USP10: variants seen among roughly 807,000 people sequenced by gnomAD.
USP10 encodes ubiquitin specific peptidase 10, also known as ubiquitin carboxyl-terminal hydrolase 10.
A neutral mutation model predicts 84.5 loss-of-function variants in USP10; 22 were observed. The observed-to-expected ratio is 0.26, with a 90% CI of 0.19 to 0.37. The LOEUF (loss-of-function observed/expected upper bound fraction) is 0.37, where lower values mean the gene tolerates loss of function less well. Ranked by LOEUF, USP10 falls within the 10% of genes least tolerant of loss-of-function variation. The pLI is 1.00. For missense variants in USP10, 1,019 were observed against 998.9 expected, an observed-to-expected ratio of 1.02 and a Z score of -0.27; for synonymous variants, 454 against 387.6, an observed-to-expected ratio of 1.17 and a Z score of -2.01.
rs556583918 is a variant in USP10, at chr16:84,700,039, G to A, written c.-52G>A. 2.6e-5 allele frequency: 35 copies of A among 1,348,176 alleles called. No homozygotes were observed. Among genetic ancestry groups the A allele is most frequent in the Non-Finnish European group, 3.3e-5 (34 of 1,027,278 alleles). The allele number at this position is 1,348,176 out of a possible 1,614,324, so 83.5% of individuals were successfully genotyped here. A position where few individuals can be genotyped will look rare whatever the true frequency, so the allele number is the denominator to read the frequency against. ...GGGCGAGAAGATGGCGGCGGCGGGGGAAGCAGCGTGAGCAGCCGGAGGATC... is the reference window on the plus strand; with the variant it reads ...GGGCGAGAAGATGGCGGCGGCGGGGAAAGCAGCGTGAGCAGCCGGAGGATC... On this transcript the variant is annotated 5_prime_UTR_variant, in exon 1 of 14. Coordinates refer to ENST00000219473, the MANE Select transcript of USP10 (RefSeq NM_005153.3).
chr16:84,738,869 C>T (rs1165379923), intron 2 of USP10, among the ~76,000 whole-genome samples: 3 of 152,188 alleles, frequency 2.0e-5, no homozygotes, highest in South Asian at 4.1e-4. Context: ...CAGCAGCTCT[C>T]ATACAGTATT....
chr16:84,720,576 ATTT>A (rs10699847), intron 1 of USP10, among the ~76,000 whole-genome samples: 11 of 88,352 alleles, frequency 1.2e-4, no homozygotes, highest in East Asian at 4.9e-4. Flanking sequence ...ATGATGCCCA[ATTT>A]TTTTTTTTTT....
intron 1 of USP10, among the ~76,000 whole-genome samples, chr16:84,731,646 C>G (rs776385406): frequency 1.3e-5 from 2 of 152,172 alleles, no homozygotes; most frequent in Non-Finnish European, 2.9e-5. Flanking sequence ...TCGAAACTTT[C>G]AAAATGTTGC....
chr16:84,749,895 C>G (rs1911702177), intron 4 of USP10, among the ~76,000 whole-genome samples: 1 of 152,102 alleles, frequency 6.6e-6, no homozygotes, highest in Non-Finnish European at 1.5e-5. Context: ...ACATTTTGTT[C>G]CATTGGCTGT....
In USP10 at chr16:84,778,876, C is replaced by A; in HGVS notation, c.2210-19C>A. The A allele has an allele frequency of 6.2e-7, 1 of 1,608,152 alleles. No homozygotes were observed. Among genetic ancestry groups the A allele is most frequent in the Non-Finnish European group, 8.5e-7 (1 of 1,176,576 alleles). ...TGCAGTGCTGTTCTCACTCTGCTGCCTGCTGGGCTCTCTTCCAGTGGTCTA... is the reference window on the plus strand; with the variant it reads ...TGCAGTGCTGTTCTCACTCTGCTGCATGCTGGGCTCTCTTCCAGTGGTCTA... On this transcript the variant is annotated intron_variant, in intron 13 of 13. Transcript: ENST00000219473.
intron 1 of USP10, among the ~76,000 whole-genome samples, chr16:84,708,574 A>G (rs1242926246): frequency 1.3e-5 from 2 of 152,256 alleles, no homozygotes; most frequent in Non-Finnish European, 2.9e-5. Flanking sequence ...GCCCTAGGGA[A>G]TAATGAGAAA....
chr16:84,702,300 A>T (rs1028795826), intron 1 of USP10, among the ~76,000 whole-genome samples: 2 of 151,646 alleles, frequency 1.3e-5, no homozygotes, highest in Admixed American at 1.3e-4. Flanking sequence ...CAGGTGATCC[A>T]CCCGCCTCGG....
chr16:84,700,647 A>G (rs1039527859), intron 1 of USP10, among the ~76,000 whole-genome samples: 2 of 152,142 alleles, frequency 1.3e-5, no homozygotes, highest in East Asian at 1.9e-4. Flanking sequence ...TTTTAGATAG[A>G]AGTAGCAGAG....
At chr16:84,714,584 G>C (rs1567592873) in intron 1 of USP10, among the ~76,000 whole-genome samples, 2 of 151,502 alleles carry the variant, frequency 1.3e-5, no homozygotes, top group African/African-American at 4.8e-5. Context: ...CTTCAGCATT[G>C]TTTTTTAAGG....
In USP10 at chr16:84,744,665, G is replaced by A. The variant is rs775663135; in HGVS notation, c.184G>A (p.Asp62Asn). 19 of 1,612,286 alleles carry A rather than the reference G, an allele frequency of 1.2e-5. No homozygotes were observed. Among genetic ancestry groups the A allele is most frequent in the South Asian group, 6.6e-5 (6 of 91,024 alleles). ...QEYQRIEFGV[D>N]EVIEPSDTLP... ...ATATCAGAGAATTGAGTTTGGTGTC[G>A]ATGAAGTCATTGAACCCAGTGACAC... is the stretch of plus-strand genomic sequence containing the variant. The change falls in exon 4 of 14, where the codon GAT becomes AAT. Residue 62 changes from aspartate to asparagine, a missense_variant. Physicochemically the swap from Asp to Asn is conservative, Grantham distance 23. Around this residue, in one of 2 missense-constraint regions of USP10, gnomAD observed 787 missense variants for 708.8 expected, o/e 1.11. Transcript: ENST00000219473.
chr16:84,770,818 A>G (rs536506356), intron 11 of USP10, among the ~76,000 whole-genome samples: 1 of 151,588 alleles, frequency 6.6e-6, no homozygotes, highest in Non-Finnish European at 1.5e-5. Context: ...CTGTAATCCC[A>G]GCATTTTCGG....
At position 84,768,243 on chromosome 16, in the gene USP10, T is replaced by G; in HGVS notation, c.1883T>G (p.Phe628Cys). Reference protein sequence around the residue: ...SSKESATLQPFFTLQLDIQSD... With the variant: ...SSKESATLQPCFTLQLDIQSD... ...AAAGAATCTGCCACTTTGCAGCCATTTTTCACGTTGCAGTTGGATATCCAG... is the reference window on the plus strand; with the variant it reads ...AAAGAATCTGCCACTTTGCAGCCATGTTTCACGTTGCAGTTGGATATCCAG... Residue 628 changes from phenylalanine (F) to cysteine (C), a missense_variant, in exon 11 of 14, where the codon TTT becomes TGT. Coordinates refer to ENST00000219473, the MANE Select transcript of USP10 (RefSeq NM_005153.3). 1 of 1,603,754 alleles carries G rather than the reference T, an allele frequency of 6.2e-7. No individual in the cohort carries two copies. The highest frequency in any genetic ancestry group is 8.5e-7 in the Non-Finnish European group (1 of 1,174,492).
At chr16:84,745,720 T>G in intron 4 of USP10, 47 bp downstream of exon 4, 1 of 1,540,566 alleles carries the variant, frequency 6.5e-7, no homozygotes, top group Non-Finnish European at 8.8e-7. Flanking sequence ...GGAGCAGACC[T>G]CATCAACTGG....
chr16:84,747,056 C>G (rs991768272), intron 4 of USP10, among the ~76,000 whole-genome samples: 5 of 152,228 alleles, frequency 3.3e-5, no homozygotes, highest in African/African-American at 1.2e-4. Flanking sequence ...CAGGACGTTT[C>G]AGTTCCACTA....
At chr16:84,715,393 G>C (rs992257385) in intron 1 of USP10, among the ~76,000 whole-genome samples, 11 of 152,176 alleles carry the variant, frequency 7.2e-5, no homozygotes, top group Non-Finnish European at 1.6e-4. Context: ...GTGTAATTAA[G>C]TGCTGAATTA....
intron 4 of USP10, among the ~76,000 whole-genome samples, chr16:84,757,400 GGGGTGT>G (rs1394703157): frequency 0.027 from 1,663 of 61,208 alleles, 27 homozygotes; most frequent in African/African-American, 0.091. Context: ...GAGAGGGGTG[GGGGTGT>G]GTGTGTGTGT....
At chr16:84,701,492 G>T (rs1421269260) in intron 1 of USP10, among the ~76,000 whole-genome samples, 1 of 152,072 alleles carries the variant, frequency 6.6e-6, no homozygotes, top group African/African-American at 2.4e-5. Context: ...AAAAAGATTT[G>T]ATATTTGCTT....
chr16:84,764,385 C>A, intron 10 of USP10, 122 bp downstream of exon 10: 1 of 1,315,944 alleles, frequency 7.6e-7, no homozygotes, highest in Non-Finnish European at 1.1e-6. Flanking sequence ...CATCTTGCTC[C>A]CCTGCCTGCT....
chr16:84,758,813 C>G lies in USP10; in HGVS notation c.1284+6C>G. 1.9e-6 allele frequency: 3 copies of G among 1,609,232 alleles called. No homozygotes were observed. Among genetic ancestry groups the G allele is most frequent in the Non-Finnish European group, 2.6e-6 (3 of 1,175,598 alleles). ...ACTGGTGCTACATTAATGCTGTATCCTTCCTGGACGCCGTCCGCAAGGCCA... is the reference window on the plus strand; with the variant it reads ...ACTGGTGCTACATTAATGCTGTATCGTTCCTGGACGCCGTCCGCAAGGCCA... On this transcript the variant is annotated splice_donor_region_variant and intron_variant, in intron 5 of 13. Transcript: ENST00000219473.
Sources: gnomAD v4.1 joint callset for allele counts (sites outside exome capture counted in the v4.1 genomes callset) on GRCh38, gnomAD v4.1.1 for gene constraint, gnomAD v4.1.1 regional missense constraint, MANE v1.5 for transcripts, NCBI Gene and HGNC (gene_info 2026-07-23, HGNC 2026-07-21) for gene names.